Variants in NEK11 observed in about 807,000 individuals in gnomAD.
The protein encoded by NEK11 is NIMA related kinase 11, also known as serine/threonine-protein kinase Nek11.
NEK11 carries 72 observed loss-of-function variants against 80.7 expected under a neutral mutation model. That is an observed-to-expected ratio of 0.89 (90% confidence interval 0.74 to 1.08). NEK11 has a LOEUF of 1.08. Ranked by LOEUF, NEK11 falls within the 50% of genes least tolerant of loss-of-function variation. The probability of loss-of-function intolerance (pLI) is 0.00; values close to 1 mark genes in which losing one functional copy is unlikely to be tolerated. For synonymous variants in NEK11, 251 were observed against 260.7 expected (o/e 0.96, Z 0.36); for missense variants, 764 against 763.6 (o/e 1.00, Z -0.01).
chr3:131,057,691 G>A (rs1336591747), intron 3 of NEK11, among the ~76,000 whole-genome samples: 1 of 151,890 alleles, frequency 6.6e-6, no homozygotes, highest in African/African-American at 2.4e-5. Context: ...GTCTTCTTTT[G>A]AGAAGTGTCT....
At chr3:131,059,337 T>A (rs2070349651) in intron 3 of NEK11, among the ~76,000 whole-genome samples, 2 of 152,178 alleles carry the variant, frequency 1.3e-5, no homozygotes, top group African/African-American at 2.4e-5. Context: ...ATAAATTATA[T>A]CTCAATAAAG....
intron 5 of NEK11, 70 bp downstream of exon 5, chr3:131,109,991 T>C (rs1426093524): frequency 6.7e-7 from 1 of 1,485,424 alleles, no homozygotes; most frequent in Middle Eastern, 2.0e-4. Context: ...AAAAGTGAAT[T>C]TTTTTTCTAT....
In NEK11 at chr3:131,029,864, A is replaced by G. The variant is rs772426883; in HGVS notation, c.156A>G (p.Lys52=). Residue 52 remains lysine (K), a synonymous_variant, in exon 3 of 18, where the codon AAA becomes AAG. Coordinates refer to ENST00000383366, the MANE Select transcript of NEK11 (RefSeq NM_024800.5). ...ATCTGGTTTCAGACAAGAAAGCCAA[A>G]CGAGGAGAGGAATTGTAAGTAAAAA... ...TVYLVSDKKA[K]RGEELKVLKE... 1 of 1,614,212 alleles carries G rather than the reference A, an allele frequency of 6.2e-7. No individual in the cohort carries two copies. The highest frequency in any genetic ancestry group is 8.5e-7 in the Non-Finnish European group (1 of 1,180,042).
chr3:131,272,800 T>C (rs886653864), intron 16 of NEK11, among the ~76,000 whole-genome samples: 1 of 152,104 alleles, frequency 6.6e-6, no homozygotes, highest in South Asian at 2.1e-4. Flanking sequence ...TAATGGAAAG[T>C]AGTGTTGTTT....
intron 3 of NEK11, among the ~76,000 whole-genome samples, chr3:131,052,125 GT>G (rs2068518722): frequency 4.6e-5 from 2 of 43,504 alleles, no homozygotes; most frequent in African/African-American, 7.6e-5. Context: ...TACACTTCTG[GT>G]TTTTTTTGTT....
At chr3:131,281,826 C>G (rs574293212) in intron 17 of NEK11, among the ~76,000 whole-genome samples, 1 of 152,194 alleles carries the variant, frequency 6.6e-6, no homozygotes, top group Admixed American at 6.5e-5. Context: ...TGTATATCTA[C>G]TTTTGTCTTT....
At chr3:131,071,284 A>C (rs57783228) in intron 3 of NEK11, among the ~76,000 whole-genome samples, 23,249 of 152,128 alleles carry the variant, frequency 0.15, 1,841 homozygotes, top group Non-Finnish European at 0.17. Context: ...TCACTAGAGA[A>C]CTATAGAAAA....
rs73873812 is a variant in NEK11 at position 131,198,745 on chromosome 3, G to A, written c.1399+27858G>A. Among the ~76,000 whole-genome samples the A allele has an allele frequency of 9.6e-3, 1,466 of 152,246 alleles. 14 individuals are homozygous for A. Among genetic ancestry groups the A allele is most frequent in the African/African-American group, 0.026 (1,096 of 41,522 alleles). On this transcript the variant is annotated intron_variant, in intron 14 of 17. Transcript: ENST00000383366. ...GACTTATAAAGAAAAGTCTTGTCCC[G>A]TTGGCAAGCTTAACGCTGGGGCTTG...
intron 14 of NEK11, among the ~76,000 whole-genome samples, chr3:131,194,776 C>A (rs938710166): frequency 1.3e-5 from 2 of 152,130 alleles, no homozygotes; most frequent in African/African-American, 2.4e-5. Flanking sequence ...CAACTGAATG[C>A]ATCTTTTCAA....
intron 17 of NEK11, among the ~76,000 whole-genome samples, chr3:131,287,992 G>A (rs116814194): frequency 0.021 from 3,268 of 152,136 alleles, 97 homozygotes; most frequent in African/African-American, 0.073. Flanking sequence ...AAAAAACCTG[G>A]TGGCAAAAAT....
At chr3:131,063,215 G>C (rs1267137603) in intron 3 of NEK11, among the ~76,000 whole-genome samples, 2 of 151,982 alleles carry the variant, frequency 1.3e-5, no homozygotes, top group Non-Finnish European at 2.9e-5. Flanking sequence ...TATAGAGAGG[G>C]GGTCTCACTA....
intron 4 of NEK11, among the ~76,000 whole-genome samples, chr3:131,081,445 G>A (rs1276834617): frequency 6.6e-6 from 1 of 152,100 alleles, no homozygotes; most frequent in Non-Finnish European, 1.5e-5. Context: ...GTATTTTACT[G>A]AGCCCCAAGG....
intron 17 of NEK11, chr3:131,330,461 G>A (rs1446445210): frequency 2.3e-4 from 35 of 152,206 alleles, no homozygotes; most frequent in Admixed American, 2.3e-3. Context: ...CCCACCTTGG[G>A]AGAGAATGTG....
intron 17 of NEK11, among the ~76,000 whole-genome samples, chr3:131,281,113 G>A (rs192910815): frequency 6.6e-6 from 1 of 151,786 alleles, no homozygotes; most frequent in Non-Finnish European, 1.5e-5. Flanking sequence ...GTATACACAG[G>A]TTTATTGATT....
At chr3:131,299,309 T>G (rs765488951) in intron 17 of NEK11, among the ~76,000 whole-genome samples, 1 of 152,124 alleles carries the variant, frequency 6.6e-6, no homozygotes, top group South Asian at 2.1e-4. Flanking sequence ...TTCAAGTGAT[T>G]CTCATGCCTT....
chr3:131,201,100 C>A (rs1056151205), intron 14 of NEK11, among the ~76,000 whole-genome samples: 1 of 151,482 alleles, frequency 6.6e-6, no homozygotes, highest in East Asian at 1.9e-4. Flanking sequence ...CTAAAAGAAG[C>A]AAGATATGAA....
intron 17 of NEK11, among the ~76,000 whole-genome samples, chr3:131,315,432 G>T (rs2096827086): frequency 6.6e-6 from 1 of 151,496 alleles, no homozygotes; most frequent in Admixed American, 6.6e-5. Flanking sequence ...GTCACAAGTG[G>T]CAGGATCTCC....
At chr3:131,262,346 GTC>G (rs2095941632) in intron 16 of NEK11, among the ~76,000 whole-genome samples, 2 of 152,050 alleles carry the variant, frequency 1.3e-5, no homozygotes, top group African/African-American at 4.8e-5. Flanking sequence ...CATAGCAAGA[GTC>G]TGTCTCTAAA....
chr3:131,049,209 T>C (rs1389216602), intron 3 of NEK11, among the ~76,000 whole-genome samples: 2 of 152,238 alleles, frequency 1.3e-5, no homozygotes, highest in African/African-American at 4.8e-5. Context: ...TAAATCCATG[T>C]AGAATAACAA....
Sources: allele counts gnomAD v4.1 joint callset (sites outside exome capture counted in the v4.1 genomes callset), GRCh38; gene constraint gnomAD v4.1.1; transcripts MANE v1.5; gene names NCBI Gene and HGNC (gene_info 2026-07-23, HGNC 2026-07-21).